CNTNAP2: variants seen among roughly 807,000 people sequenced by gnomAD.
CNTNAP2 encodes contactin associated protein 2.
A neutral mutation model predicts 155.2 loss-of-function variants in CNTNAP2; 98 were observed. The ratio of observed to expected loss-of-function variants is 0.63; its 90% confidence interval spans 0.54 to 0.75. The LOEUF (loss-of-function observed/expected upper bound fraction) is 0.75, where lower values mean the gene tolerates loss of function less well. CNTNAP2 is among the 30% of genes least tolerant of loss of function. CNTNAP2 has a pLI of 0.00. For synonymous variants in CNTNAP2, 651 were observed against 631.2 expected (o/e 1.03, Z -0.47); for missense variants, 1,727 against 1,688.1 (o/e 1.02, Z -0.40).
chr7:148,382,706 T>TG (rs1365562737), intron 21 of CNTNAP2, among the ~76,000 whole-genome samples: 4 of 152,208 alleles, frequency 2.6e-5, no homozygotes, highest in African/African-American at 9.6e-5. Flanking sequence ...GAGGGGTTGA[T>TG]GCGGCACTTG....
At chr7:147,545,696 C>T (rs907885820) in intron 11 of CNTNAP2, among the ~76,000 whole-genome samples, 5 of 152,142 alleles carry the variant, frequency 3.3e-5, no homozygotes, top group African/African-American at 4.8e-5. Flanking sequence ...CCATATGCTG[C>T]CAGCAAGCCA....
intron 8 of CNTNAP2, among the ~76,000 whole-genome samples, chr7:147,236,492 C>T (rs1803807715): frequency 6.6e-6 from 1 of 151,770 alleles, no homozygotes; most frequent in Non-Finnish European, 1.5e-5. Flanking sequence ...CTGATCATTC[C>T]AATTTCACTG....
chr7:148,341,548 C>T (rs562428139), intron 21 of CNTNAP2, among the ~76,000 whole-genome samples: 1 of 152,034 alleles, frequency 6.6e-6, no homozygotes, highest in Admixed American at 6.5e-5. Flanking sequence ...GATCAGAAAA[C>T]GGAGGCTTCA....
chr7:147,347,477 CATATATAT>C (rs376714937), intron 9 of CNTNAP2, among the ~76,000 whole-genome samples: 4 of 30,176 alleles, frequency 1.3e-4, no homozygotes, highest in Admixed American at 9.7e-4. Flanking sequence ...TATATATATG[CATATATAT>C]ATATATGCAT....
intron 3 of CNTNAP2, among the ~76,000 whole-genome samples, chr7:147,014,442 A>C (rs1217912620): frequency 1.3e-5 from 2 of 152,162 alleles, no homozygotes; most frequent in Non-Finnish European, 2.9e-5. Context: ...GGAAATGTTT[A>C]GTACATCATC....
At chr7:146,909,127 T>C (rs368109935) in intron 3 of CNTNAP2, among the ~76,000 whole-genome samples, 3 of 152,014 alleles carry the variant, frequency 2.0e-5, no homozygotes, top group Non-Finnish European at 4.4e-5. Context: ...TCTGAATAGA[T>C]CAATAACAGG....
At chr7:147,137,255 T>C (rs537383604) in intron 8 of CNTNAP2, among the ~76,000 whole-genome samples, 104 of 151,230 alleles carry the variant, frequency 6.9e-4, no homozygotes, top group African/African-American at 2.4e-3. Flanking sequence ...AATAACATGG[T>C]AAAAAATGCT....
chr7:146,829,926 T>G (rs1803478187), intron 2 of CNTNAP2, among the ~76,000 whole-genome samples: 1 of 152,072 alleles, frequency 6.6e-6, no homozygotes, highest in African/African-American at 2.4e-5. Context: ...TAATTTTTCT[T>G]TTGTGGACTA....
At chr7:148,021,716 A>T (rs960694017) in intron 15 of CNTNAP2, among the ~76,000 whole-genome samples, 3 of 152,208 alleles carry the variant, frequency 2.0e-5, no homozygotes, top group African/African-American at 7.2e-5. Context: ...GGTGGCAGGA[A>T]TGCAGGAATG....
At chr7:148,387,117 G>T (rs780674968) in intron 22 of CNTNAP2, among the ~76,000 whole-genome samples, 1 of 151,850 alleles carries the variant, frequency 6.6e-6, no homozygotes, top group Non-Finnish European at 1.5e-5. Context: ...CATTTTTCCA[G>T]AAGTCTCTGC....
intron 18 of CNTNAP2, among the ~76,000 whole-genome samples, chr7:148,180,574 A>T (rs1795019829): frequency 6.6e-6 from 1 of 152,012 alleles, no homozygotes; most frequent in Non-Finnish European, 1.5e-5. Context: ...TTGAATAGGG[A>T]CTTACCAACA....
intron 22 of CNTNAP2, among the ~76,000 whole-genome samples, chr7:148,401,788 C>T (rs774652595): frequency 9.2e-5 from 14 of 152,004 alleles, no homozygotes; most frequent in African/African-American, 2.2e-4. Flanking sequence ...TTAGTAGAGA[C>T]GGGGTTTCAC....
intron 2 of CNTNAP2, among the ~76,000 whole-genome samples, chr7:146,834,962 C>A (rs1320017345): frequency 2.0e-5 from 3 of 152,146 alleles, no homozygotes; most frequent in Non-Finnish European, 4.4e-5. Context: ...AAAAAGGGAA[C>A]TTTTCATCGA....
At chr7:146,488,143 AT>A in intron 1 of CNTNAP2, among the ~76,000 whole-genome samples, 1 of 152,204 alleles carries the variant, frequency 6.6e-6, no homozygotes, top group East Asian at 1.9e-4. Context: ...GTATCACCAC[AT>A]CTAGTCAGAC....
chr7:146,625,743 T>C (rs1799409157), intron 1 of CNTNAP2, among the ~76,000 whole-genome samples: 1 of 152,108 alleles, frequency 6.6e-6, no homozygotes, highest in African/African-American at 2.4e-5. Context: ...ACCATGTTTT[T>C]TTAATTTCAG....
chr7:146,397,358 G>T (rs1362059761), intron 1 of CNTNAP2, among the ~76,000 whole-genome samples: 1 of 152,176 alleles, frequency 6.6e-6, no homozygotes, highest in East Asian at 1.9e-4. Context: ...TTCACATGCT[G>T]TAGTTACATG....
intron 1 of CNTNAP2, among the ~76,000 whole-genome samples, chr7:146,476,674 T>C (rs547565777): frequency 6.6e-6 from 1 of 152,146 alleles, no homozygotes; most frequent in South Asian, 2.1e-4. Context: ...AACAATTGGT[T>C]AAGATTAAAT....
rs1181844540 is a variant in CNTNAP2, at chr7:147,980,057, T to C, written c.2383+2068T>C. On this transcript the variant is annotated intron_variant, in intron 15 of 23. Coordinates refer to ENST00000361727, the MANE Select transcript of CNTNAP2 (RefSeq NM_014141.6). ...ATAAATCAGCCTCAGGAAGAATTTA[T>C]TGTGAGGCTGTCATTCATCTAGAAC... Among the ~76,000 whole-genome samples the C allele has an allele frequency of 5.3e-5, 8 of 152,358 alleles. No homozygotes were observed. In the East Asian group the frequency reaches 9.6e-4, roughly 18 times the overall value.
chr7:146,564,798 A>G (rs1430451105), intron 1 of CNTNAP2, among the ~76,000 whole-genome samples: 1 of 151,704 alleles, frequency 6.6e-6, no homozygotes, highest in Non-Finnish European at 1.5e-5. Flanking sequence ...TTCTAACTTT[A>G]TTCAGTTTAT....
Sources: allele counts gnomAD v4.1 joint callset (sites outside exome capture counted in the v4.1 genomes callset), GRCh38; gene constraint gnomAD v4.1.1; transcripts MANE v1.5; gene names NCBI Gene and HGNC (gene_info 2026-07-23, HGNC 2026-07-21).